The following ATAD2B variants were observed in gnomAD, a reference collection of about 807,000 sequenced individuals.
ATAD2B encodes ATPase family AAA domain containing 2B.
Under a neutral mutation model 167.6 loss-of-function variants are expected in ATAD2B, and 40 were observed. The ratio of observed to expected loss-of-function variants is 0.24; its 90% CI spans 0.19 to 0.31. ATAD2B has a LOEUF of 0.31. ATAD2B is among the 10% of genes least tolerant of loss of function. The probability of loss-of-function intolerance (pLI) is 1.00; values close to 1 mark genes in which losing one functional copy is unlikely to be tolerated. For synonymous variants in ATAD2B, 579 were observed against 596.5 expected (o/e 0.97, Z 0.43); for missense variants, 1,242 against 1,757.2 (o/e 0.71, Z 5.24).
At chr2:23,705,076 T>C in the ATAD2B span, among the ~76,000 whole-genome samples, 1 of 152,242 alleles carries the variant, frequency 6.6e-6, no homozygotes, top group Non-Finnish European at 1.5e-5. Context: ...CATACTTCCA[T>C]GTCATGTACC....
intron 24 of ATAD2B, among the ~76,000 whole-genome samples, chr2:23,760,723 C>T (rs923740261): frequency 1.4e-5 from 2 of 141,734 alleles, no homozygotes; most frequent in African/African-American, 5.3e-5. Flanking sequence ...CACACACACA[C>T]ACACACATAT....
intron 17 of ATAD2B, among the ~76,000 whole-genome samples, chr2:23,819,492 C>CA (rs1171377752): frequency 0.04 from 3,024 of 75,940 alleles, 163 homozygotes; most frequent in African/African-American, 0.12. Flanking sequence ...CTCTGCCTCC[C>CA]AAAAAAAAAA....
At chr2:23,793,750 T>C (rs1682168598) in intron 19 of ATAD2B, among the ~76,000 whole-genome samples, 2 of 152,124 alleles carry the variant, frequency 1.3e-5, no homozygotes, top group Admixed American at 1.3e-4. Context: ...GTGCTAGGAA[T>C]GGGAGAAATG....
the ATAD2B span, among the ~76,000 whole-genome samples, chr2:23,728,161 G>A: frequency 2.6e-5 from 4 of 152,088 alleles, no homozygotes; most frequent in Non-Finnish European, 4.4e-5. Flanking sequence ...GGTGGAGTGG[G>A]AGACGAGATG....
intron 1 of ATAD2B, among the ~76,000 whole-genome samples, chr2:23,921,755 C>CA (rs756920173): frequency 2.0e-5 from 3 of 152,162 alleles, no homozygotes; most frequent in African/African-American, 7.2e-5. Context: ...GGAACATTGT[C>CA]ACGTTACAAT....
Position 23,863,922 on chromosome 2 carries a change from A to G in ATAD2B, c.1305-367T>C, listed in dbSNP as rs186831825. On this transcript the variant is annotated intron_variant, in intron 11 of 27. Transcript: ENST00000238789. ...TTTCCATATCCTTAAAAACGTGAAAAATAAATTAGAACAAAATCTGAATAA... is the reference window on the plus strand; with the variant it reads ...TTTCCATATCCTTAAAAACGTGAAAGATAAATTAGAACAAAATCTGAATAA... Among the ~76,000 whole-genome samples, 21 of 152,358 alleles carry G rather than the reference A, an allele frequency of 1.4e-4. No individual in the cohort carries two copies. In the East Asian group the frequency reaches 4.0e-3, roughly 29 times the overall value.
At chr2:23,746,083 A>C (rs949497578), downstream of ATAD2B, among the ~76,000 whole-genome samples, 1 of 152,218 alleles carries the variant, frequency 6.6e-6, no homozygotes, top group Non-Finnish European at 1.5e-5. Flanking sequence ...TCAGGCAAGG[A>C]ACCAGAAAGG....
chr2:23,684,636 TC>T, the ATAD2B span: 2 of 1,073,144 alleles, frequency 1.9e-6, no homozygotes, highest in Non-Finnish European at 2.6e-6. The surrounding 1 kb of genome is among the most constrained non-coding windows in gnomAD (Gnocchi z 4.4). Flanking sequence ...GAAGCGTGAC[TC>T]CCTGTCACAG....
chr2:23,709,227 G>A, the ATAD2B span, among the ~76,000 whole-genome samples: 3 of 152,092 alleles, frequency 2.0e-5, no homozygotes, highest in Non-Finnish European at 4.4e-5. Flanking sequence ...TTTTAGTAGA[G>A]ACGGTGGTTT....
At chr2:23,706,694 G>A in the ATAD2B span, 3 of 1,452,874 alleles carry the variant, frequency 2.1e-6, no homozygotes, top group South Asian at 2.8e-5. Context: ...ATAAGACTGT[G>A]GACAAGTCTG....
At position 23,864,838 on chromosome 2, in the gene ATAD2B, A is replaced by T; in HGVS notation, c.1275T>A (p.Ile425=). The change falls in exon 11 of 28, where the codon ATT becomes ATA. Residue 425 remains isoleucine, a synonymous_variant. Transcript: ENST00000238789. ...MVVFPLLYPE[I]FEKFKIQPPR... is the part of the protein sequence containing the mutation. The stretch of plus-strand genomic sequence containing the variant: ...GAGGCTGAATTTTAAACTTTTCAAA[A>T]ATTTCTGGATATAAAAGTGGGAATA... 1 of 1,589,778 alleles carries T rather than the reference A, an allele frequency of 6.3e-7. No individual in the cohort carries two copies. Among genetic ancestry groups the T allele is most frequent in the South Asian group, 1.2e-5 (1 of 85,528 alleles).
chr2:23,689,398 C>G, the ATAD2B span: 1 of 152,378 alleles, frequency 6.6e-6, no homozygotes, highest in East Asian at 1.9e-4. Flanking sequence ...CAGGCAGCAC[C>G]CCTCAGGGCA....
chr2:23,717,353 G>C, the ATAD2B span, among the ~76,000 whole-genome samples: 1 of 152,146 alleles, frequency 6.6e-6, no homozygotes, highest in Non-Finnish European at 1.5e-5. Flanking sequence ...GGGTTCCATG[G>C]CAAGGATGAG....
At chr2:23,845,384 C>T (rs906064555) in intron 13 of ATAD2B, among the ~76,000 whole-genome samples, 1 of 151,820 alleles carries the variant, frequency 6.6e-6, no homozygotes, top group African/African-American at 2.4e-5. Context: ...AAAATACTGA[C>T]CCATATTATA....
At chr2:23,767,130 T>C (rs1447843261) in intron 22 of ATAD2B, among the ~76,000 whole-genome samples, 1 of 152,182 alleles carries the variant, frequency 6.6e-6, no homozygotes, top group African/African-American at 2.4e-5. Context: ...CTTTTTCGAT[T>C]ACCTGCTCTA....
At chr2:23,915,609 T>C (rs1321207169) in intron 1 of ATAD2B, among the ~76,000 whole-genome samples, 1 of 50,358 alleles carries the variant, frequency 2.0e-5, no homozygotes, top group East Asian at 8.6e-4. Context: ...TTTTTTTTTT[T>C]TTTGAGACAG....
chr2:23,757,560 G>A lies in ATAD2B; in HGVS notation c.3936C>T (p.Asp1312=), dbSNP rs1219861812. Residue 1312 remains aspartate, a synonymous_variant, in exon 25 of 28, where the codon GAC becomes GAT. Transcript: ENST00000238789. ...AAGTTTCTGGTTTTTCTTTTGACTG[G>A]TCCTCCAGAAGAATCTTTTGTTCAG... The part of the protein sequence containing the change: ...CSSEQKILLE[D]QSKEKPETST... 6.2e-7 allele frequency: 1 copy of A among 1,602,462 alleles called. No individual in the cohort carries two copies. The highest frequency in any genetic ancestry group is 8.5e-7 in the Non-Finnish European group (1 of 1,176,760).
chr2:23,700,088 C>T, the ATAD2B span, among the ~76,000 whole-genome samples: 6 of 152,322 alleles, frequency 3.9e-5, no homozygotes, highest in East Asian at 1.9e-4. The surrounding 1 kb of genome is among the most constrained non-coding windows in gnomAD (Gnocchi z 4.6). Flanking sequence ...ATTCCATTTG[C>T]ATCCACCTCC....
At chr2:23,907,482 T>C (rs1701666655) in intron 1 of ATAD2B, among the ~76,000 whole-genome samples, 1 of 152,112 alleles carries the variant, frequency 6.6e-6, no homozygotes, top group Non-Finnish European at 1.5e-5. Context: ...TACAAACAAA[T>C]GGAAGAACAT....
Sources: gnomAD v4.1 joint callset for allele counts (sites outside exome capture counted in the v4.1 genomes callset) on GRCh38, gnomAD v4.1.1 for gene constraint, Gnocchi (gnomAD v3.1) non-coding constraint, MANE v1.5 for transcripts, NCBI Gene and HGNC (gene_info 2026-07-23, HGNC 2026-07-21) for gene names.